ME3: variants seen among roughly 807,000 people sequenced by gnomAD.
The protein encoded by ME3 is malic enzyme 3, also known as NADP-dependent malic enzyme, mitochondrial.
Under a neutral mutation model 68.9 loss-of-function variants are expected in ME3, and 48 were observed. That is an observed-to-expected ratio of 0.70 (90% CI 0.55 to 0.89). The LOEUF (loss-of-function observed/expected upper bound fraction) is 0.89, where lower values mean the gene tolerates loss of function less well. Ranked by LOEUF, ME3 falls within the 40% of genes least tolerant of loss-of-function variation. ME3 has a pLI of 0.00. For missense variants in ME3, 675 were observed against 797.4 expected (o/e 0.85, Z 1.85); for synonymous variants, 320 against 318.8 (o/e 1.00, Z -0.04).
chr11:86,446,847 A>G lies in ME3; in HGVS notation c.1380+218T>C, dbSNP rs908467098. On this transcript the variant is annotated intron_variant, in intron 12 of 14. Transcript: ENST00000543262. The stretch of plus-strand genomic sequence containing the variant: ...TTATTTAGGGTGAACCTTGAGCAGC[A>G]TAGCACAAATGTAAGAACTTGGGCT... The G allele has an allele frequency of 1.5e-5, 10 of 653,882 alleles. No homozygotes were observed. In the East Asian group the frequency reaches 1.6e-4, roughly 11 times the overall value. The allele number at this position is 653,882 out of a possible 1,614,324, so 40.5% of individuals were successfully genotyped here. A position where few individuals can be genotyped will look rare whatever the true frequency, so the allele number is the denominator to read the frequency against.
At position 86,575,225 on chromosome 11, in the gene ME3, A is replaced by C. The variant is rs964954987; in HGVS notation, c.184-15402T>G. The stretch of plus-strand genomic sequence containing the variant: ...CAAAACCCTTTGGAAAATGTGCTCC[A>C]GGGTGAACTCCTCATGCTTGCTGTC... On this transcript the variant is annotated intron_variant, in intron 2 of 14. Coordinates refer to ENST00000543262, the Ensembl canonical transcript of ME3. 3.4e-5 allele frequency among the ~76,000 whole-genome samples: 5 copies of C among 147,516 alleles called. 1 individual carries two copies. The highest frequency in any genetic ancestry group is 2.0e-4 in the Admixed American group (3 of 15,028).
At position 86,494,052 on chromosome 11, in the gene ME3, G is replaced by GAAAAA. The variant is rs57702708; in HGVS notation, c.705+3906_705+3910dup. 1.1e-3 allele frequency among the ~76,000 whole-genome samples: 157 copies of GAAAAA among 148,928 alleles called. 1 individual carries two copies. The highest frequency in any genetic ancestry group is 1.3e-3 in the Non-Finnish European group (90 of 67,238). ...GGAATATCTTGCAAACGGTTTCATT[G>GAAAAA]AAAAAAAAAAAAGGAACTGTAGTTG... On this transcript the variant is annotated intron_variant, in intron 6 of 14. Coordinates refer to ENST00000543262, the Ensembl canonical transcript of ME3.
At chr11:86,441,478 A>G in intron 14 of ME3, 38 bp from the exon 15 acceptor site, 1 of 1,535,598 alleles carries the variant, frequency 6.5e-7, no homozygotes, top group South Asian at 1.3e-5. Context: ...ACCGGATCTA[A>G]GGGGAAACCT....
intron 5 of ME3, among the ~76,000 whole-genome samples, chr11:86,506,573 A>C (rs1039805913): frequency 6.6e-6 from 1 of 152,214 alleles, no homozygotes; most frequent in Non-Finnish European, 1.5e-5. Context: ...TTTGTTAAAC[A>C]GAGGTACCTT....
intron 2 of ME3, among the ~76,000 whole-genome samples, chr11:86,596,577 C>G (rs1459932935): frequency 6.6e-6 from 1 of 152,212 alleles, no homozygotes; most frequent in Non-Finnish European, 1.5e-5. Context: ...CTCCCTTACT[C>G]TCAAAGGAGC....
chr11:86,462,511 T>A, intron 8 of ME3: 1 of 1,145,920 alleles, frequency 8.7e-7, no homozygotes. Flanking sequence ...ACATGAATGA[T>A]GACCTGGATA....
intron 2 of ME3, among the ~76,000 whole-genome samples, chr11:86,636,097 T>TGGAA (rs1169694778): frequency 6.6e-6 from 1 of 152,170 alleles, no homozygotes; most frequent in East Asian, 1.9e-4. Flanking sequence ...CTGGGTGCTA[T>TGGAA]GGAAGCCTGA....
intron 3 of ME3, among the ~76,000 whole-genome samples, chr11:86,558,652 CTA>C (rs1957048961): frequency 6.6e-6 from 1 of 152,148 alleles, no homozygotes; most frequent in East Asian, 1.9e-4. Context: ...TGGCCAAGTT[CTA>C]TAGTTTGTTT....
chr11:86,498,029 C>T (rs374857434), exon 6 of ME3: 104 of 1,613,512 alleles, frequency 6.4e-5, no homozygotes, highest in Non-Finnish European at 7.8e-5. Context: ...CTCCGCATGC[C>T]GTGTACAGGG....
intron 4 of ME3, among the ~76,000 whole-genome samples, chr11:86,520,968 C>A (rs1954230211): frequency 6.6e-6 from 1 of 152,192 alleles, no homozygotes; most frequent in African/African-American, 2.4e-5. Context: ...CTCTAATCTA[C>A]CAAGGCACGC....
chr11:86,536,932 T>A (rs532181313), intron 4 of ME3, among the ~76,000 whole-genome samples: 13 of 152,118 alleles, frequency 8.5e-5, no homozygotes, highest in African/African-American at 2.7e-4. Context: ...GTGACACATA[T>A]ACACCATGGA....
At chr11:86,602,979 C>T (rs1364050726) in intron 2 of ME3, among the ~76,000 whole-genome samples, 2 of 152,118 alleles carry the variant, frequency 1.3e-5, no homozygotes, top group African/African-American at 4.8e-5. Flanking sequence ...AAACGTTAGA[C>T]CTAAAACCAT....
intron 8 of ME3, among the ~76,000 whole-genome samples, chr11:86,460,722 C>T (rs551586557): frequency 3.3e-5 from 5 of 152,252 alleles, no homozygotes; most frequent in Non-Finnish European, 7.3e-5. Context: ...TCACTCCCAA[C>T]CCTCTGTGGT....
intron 2 of ME3, among the ~76,000 whole-genome samples, chr11:86,620,204 C>T (rs1943256625): frequency 6.6e-6 from 1 of 152,120 alleles, no homozygotes; most frequent in African/African-American, 2.4e-5. Flanking sequence ...TCCCTATTTT[C>T]TTAAACAGAG....
intron 2 of ME3, among the ~76,000 whole-genome samples, chr11:86,649,631 T>C (rs902939829): frequency 2.0e-5 from 3 of 152,148 alleles, no homozygotes; most frequent in Non-Finnish European, 4.4e-5. Flanking sequence ...GGATACAAAA[T>C]CAATGTGCAA....
chr11:86,503,163 G>A (rs1311189237), intron 5 of ME3, among the ~76,000 whole-genome samples: 2 of 152,048 alleles, frequency 1.3e-5, no homozygotes, highest in African/African-American at 4.8e-5. Flanking sequence ...CAGCTTCCTT[G>A]TCTATAAAAT....
intron 8 of ME3, among the ~76,000 whole-genome samples, chr11:86,453,609 T>C (rs985289188): frequency 6.6e-6 from 1 of 152,228 alleles, no homozygotes; most frequent in African/African-American, 2.4e-5. Context: ...GAATTTTAGA[T>C]AAACAACAAG....
chr11:86,558,255 G>T lies in ME3; in HGVS notation c.317+1435C>A, dbSNP rs534212920. ...TTCTTCTTTATAAATTTAACAAAAG[G>T]AGAAGGTTCAGATTGTTCAAACTTA... On this transcript the variant is annotated intron_variant, in intron 3 of 14. Coordinates refer to ENST00000543262, the Ensembl canonical transcript of ME3. Among the ~76,000 whole-genome samples the T allele has an allele frequency of 2.0e-5, 3 of 152,180 alleles. No individual in the cohort carries two copies. In the South Asian group the frequency reaches 6.2e-4, roughly 32 times the overall value.
chr11:86,524,274 G>A (rs1252781856), intron 4 of ME3, among the ~76,000 whole-genome samples: 1 of 152,182 alleles, frequency 6.6e-6, no homozygotes, highest in African/African-American at 2.4e-5. Context: ...CATCAAACCT[G>A]CGATTCTGAA....
Sources: gnomAD v4.1 joint callset for allele counts (sites outside exome capture counted in the v4.1 genomes callset) on GRCh38, gnomAD v4.1.1 for gene constraint, MANE v1.5 for transcripts, NCBI Gene and HGNC (gene_info 2026-07-23, HGNC 2026-07-21) for gene names.